The following DNM1L variants were observed in gnomAD, a reference collection of about 807,000 sequenced individuals.
DNM1L encodes dynamin 1L.
Under a neutral mutation model 92.8 loss-of-function variants are expected in DNM1L, and 33 were observed. The ratio of observed to expected loss-of-function variants is 0.36; its 90% CI spans 0.27 to 0.48. DNM1L has a LOEUF of 0.48. DNM1L is among the 20% of genes least tolerant of loss of function. The probability of loss-of-function intolerance (pLI) is 0.99; values close to 1 mark genes in which losing one functional copy is unlikely to be tolerated. For synonymous variants in DNM1L, 284 were observed against 305.0 expected, an observed-to-expected ratio of 0.93 and a Z score of 0.72; for missense variants, 485 against 888.8, an observed-to-expected ratio of 0.55 and a Z score of 5.78.
chr12:32,679,968 T>C lies in DNM1L; in HGVS notation c.102+503T>C, dbSNP rs551172585. 435 of 985,438 alleles carry C rather than the reference T, an allele frequency of 4.4e-4. 4 individuals carry two copies. The highest frequency in any genetic ancestry group is 1.7e-4 in the Non-Finnish European group (139 of 830,032). 61.0% of individuals were successfully genotyped at this position (985,438 alleles called of 1,614,324 possible). A position where few individuals can be genotyped will look rare whatever the true frequency, so the allele number is the denominator to read the frequency against. On this transcript the variant is annotated intron_variant, in intron 1 of 19. Coordinates refer to ENST00000549701, the MANE Select transcript of DNM1L (RefSeq NM_012062.5). ...GGAGTTAGTTTTGGAATCGCTCTGT[T>C]GAGGCTGAGAGACGCTACGGTGCGT... is the stretch of plus-strand genomic sequence containing the variant.
chr12:32,703,119 T>C (rs1952780938), intron 2 of DNM1L, among the ~76,000 whole-genome samples: 1 of 151,942 alleles, frequency 6.6e-6, no homozygotes, highest in Non-Finnish European at 1.5e-5. Flanking sequence ...TGATATCCTG[T>C]CTCTCAGAAA....
chr12:32,737,924 T>G lies in DNM1L; in HGVS notation c.1656T>G (p.Ser552=). The change falls in exon 15 of 20, where the codon TCT becomes TCG. Residue 552 remains serine (S), a synonymous_variant. Transcript: ENST00000549701. ...CCCAGGAGCCCTCCCCCGCTGCTTCTGCTGAGGCTGATGGCAAGGTCTGTT... is the reference window on the plus strand; with the variant it reads ...CCCAGGAGCCCTCCCCCGCTGCTTCGGCTGAGGCTGATGGCAAGGTCTGTT... The part of the protein sequence containing the change: ...PASQEPSPAA[S]AEADGKLIQD... 2 of 1,614,052 alleles carry G rather than the reference T, an allele frequency of 1.2e-6. No individual in the cohort carries two copies. Among genetic ancestry groups the G allele is most frequent in the South Asian group, 2.2e-5 (2 of 91,084 alleles).
rs1330943039 is a variant in DNM1L, at chr12:32,742,753, T to G, written c.2154+5T>G. Reference sequence around the variant, plus strand: ...GAAGCAGCTGATATGCTAAAGGTATTGTGGACCTTTTGATTTTTTATACTT... The same window carrying G: ...GAAGCAGCTGATATGCTAAAGGTATGGTGGACCTTTTGATTTTTTATACTT... On this transcript the variant is annotated splice_donor_5th_base_variant and intron_variant, in intron 19 of 19. Transcript: ENST00000549701. The G allele has an allele frequency of 6.2e-7, 1 of 1,614,082 alleles. No homozygotes were observed. Among genetic ancestry groups the G allele is most frequent in the East Asian group, 2.2e-5 (1 of 44,864 alleles).
rs1279969585 is a variant in DNM1L at position 32,737,710 on chromosome 12, G to T, written c.1597-155G>T. 1.8e-5 allele frequency: 12 copies of T among 659,574 alleles called. No homozygotes were observed. In the East Asian group the frequency reaches 3.4e-4, roughly 19 times the overall value. The allele number at this position is 659,574 out of a possible 1,614,324, so 40.9% of individuals were successfully genotyped here. A position where few individuals can be genotyped will look rare whatever the true frequency, so the allele number is the denominator to read the frequency against. ...TTTAACAAAGGTGACAATGGTGAAG[G>T]AAATAAGGCAGAATAAACAATCTCC... is the stretch of plus-strand genomic sequence containing the variant. On this transcript the variant is annotated intron_variant, in intron 14 of 19. Transcript: ENST00000549701.
Position 32,742,710 on chromosome 12 carries a change from A to G in DNM1L, c.2116A>G (p.Met706Val). 2 of 1,614,124 alleles carry G rather than the reference A, an allele frequency of 1.2e-6. No individual in the cohort carries two copies. Among genetic ancestry groups the G allele is most frequent in the South Asian group, 1.1e-5 (1 of 91,082 alleles). ...LDDLLTESED[M>V]AQRRKEAADM... is the part of the protein sequence containing the mutation. ...TGATCTTCTGACAGAATCTGAGGAC[A>G]TGGCACAGCGCAGGAAAGAAGCAGC... The change falls in exon 19 of 20, where the codon ATG (methionine) becomes GTG (valine). Residue 706 changes from methionine to valine, a missense_variant. This residue lies in a region of DNM1L where 133 missense variants were observed against 210.9 expected (regional missense o/e 0.63). Transcript: ENST00000549701.
chr12:32,694,703 T>C (rs907138169), intron 1 of DNM1L, among the ~76,000 whole-genome samples: 2 of 152,138 alleles, frequency 1.3e-5, no homozygotes, highest in African/African-American at 4.8e-5. Context: ...ATAGAAAATG[T>C]GTACAAGAAA....
At chr12:32,681,449 G>T (rs1430341033) in intron 1 of DNM1L, among the ~76,000 whole-genome samples, 2 of 152,092 alleles carry the variant, frequency 1.3e-5, no homozygotes, top group African/African-American at 2.4e-5. Context: ...TACTCTGCAG[G>T]CTGAGGTGGG....
At chr12:32,697,231 A>T (rs191232268) in intron 1 of DNM1L, among the ~76,000 whole-genome samples, 892 of 152,224 alleles carry the variant, frequency 5.9e-3, no homozygotes, top group Middle Eastern at 0.027. Context: ...TCTCTAAAAA[A>T]ATATAAAAAA....
chr12:32,742,808 T>G (rs1955398675), intron 19 of DNM1L, 60 bp downstream of exon 19: 1 of 1,600,872 alleles, frequency 6.2e-7, no homozygotes, highest in Non-Finnish European at 8.6e-7. Flanking sequence ...AGAAATAGTT[T>G]TAAATGCAGT....
chr12:32,679,478 G>T lies in DNM1L; in HGVS notation c.102+13G>T. The T allele has an allele frequency of 6.2e-7, 1 of 1,606,934 alleles. No homozygotes were observed. On this transcript the variant is annotated intron_variant, in intron 1 of 19. Coordinates refer to ENST00000549701, the MANE Select transcript of DNM1L (RefSeq NM_012062.5). ...AGTGGGAACGCAGGTGAGAGCAGCA[G>T]GCGGCGTTCGCTCGGGCCAGACCCC...
Position 32,718,625 on chromosome 12 carries a change from T to C in DNM1L, c.620-18T>C, listed in dbSNP as rs1953660649. On this transcript the variant is annotated intron_variant, in intron 6 of 19. Transcript: ENST00000549701. ...TTTCTTTCTTTTCTTTGCCCTTTTT[T>C]CTTTTTGCATTTACCAGGTCGCAGA... The C allele has an allele frequency of 6.2e-7, 1 of 1,613,586 alleles. No individual in the cohort carries two copies. The highest frequency in any genetic ancestry group is 8.5e-7 in the Non-Finnish European group (1 of 1,179,668).
chr12:32,736,813 GA>G lies in DNM1L; in HGVS notation c.1540-291del, dbSNP rs1954914905. 1.5e-5 allele frequency: 6 copies of G among 388,842 alleles called. No individual in the cohort carries two copies. In the Admixed American group the frequency reaches 1.8e-4, roughly 12 times the overall value. 24.1% of individuals were successfully genotyped at this position (388,842 alleles called of 1,614,324 possible). A position where few individuals can be genotyped will look rare whatever the true frequency, so the allele number is the denominator to read the frequency against. On this transcript the variant is annotated intron_variant, in intron 13 of 19. Coordinates refer to ENST00000549701, the MANE Select transcript of DNM1L (RefSeq NM_012062.5). ...TCACTGTTTCTTAGTGGGAAAGGGGGAGAAGATGGCAGTCTGTTGCCCCTCA... is the reference window on the plus strand; with the variant it reads ...TCACTGTTTCTTAGTGGGAAAGGGGGGAAGATGGCAGTCTGTTGCCCCTCA...
At chr12:32,732,242 A>G (rs1001775591) in intron 12 of DNM1L, among the ~76,000 whole-genome samples, 1 of 152,180 alleles carries the variant, frequency 6.6e-6, no homozygotes, top group Non-Finnish European at 1.5e-5. Flanking sequence ...ATTATTTAGT[A>G]CCACTGATCT....
Position 32,708,867 on chromosome 12 carries a change from C to T in DNM1L, c.369+643C>T, listed in dbSNP as rs545340414. On this transcript the variant is annotated intron_variant, in intron 4 of 19. Coordinates refer to ENST00000549701, the MANE Select transcript of DNM1L (RefSeq NM_012062.5). ...TGTCTTCTTTATTCCTATTATTTTT[C>T]TCTTTATATTTCAAGAGATATATAT... Among the ~76,000 whole-genome samples the T allele has an allele frequency of 1.5e-3, 227 of 152,032 alleles. 1 individual carries two copies. The highest frequency in any genetic ancestry group is 5.3e-3 in the African/African-American group (221 of 41,490).
At chr12:32,707,452 A>G in intron 3 of DNM1L, 39 bp downstream of exon 3, 1 of 1,438,912 alleles carries the variant, frequency 6.9e-7, no homozygotes, top group South Asian at 1.3e-5. Context: ...TAATGTTGAA[A>G]AAAATATATT....
At chr12:32,712,934 T>C (rs1176810066) in intron 5 of DNM1L, among the ~76,000 whole-genome samples, 1 of 152,146 alleles carries the variant, frequency 6.6e-6, no homozygotes, top group African/African-American at 2.4e-5. Flanking sequence ...GGTAATTGAA[T>C]GAATGAGTGA....
intron 2 of DNM1L, chr12:32,705,524 T>C (rs1952888543): frequency 3.5e-6 from 1 of 286,078 alleles, no homozygotes; most frequent in Non-Finnish European, 6.4e-6. Context: ...ACTAATTATA[T>C]TGGAAAGGTT....
At chr12:32,718,317 T>C (rs1189051624) in intron 6 of DNM1L, among the ~76,000 whole-genome samples, 1 of 151,506 alleles carries the variant, frequency 6.6e-6, no homozygotes, top group Non-Finnish European at 1.5e-5. Flanking sequence ...AATTTTTGTA[T>C]TTTTAGTAGA....
chr12:32,713,193 T>C lies in DNM1L; in HGVS notation c.457-16T>C. ...TTTTTAATTATTAGTTCCTTGCTCA[T>C]CTCTGTTTGGTTTAGGTGCCTGTAG... On this transcript the variant is annotated splice_polypyrimidine_tract_variant and intron_variant, in intron 5 of 19. Transcript: ENST00000549701. 2 of 1,613,774 alleles carry C rather than the reference T, an allele frequency of 1.2e-6. No individual in the cohort carries two copies. Among genetic ancestry groups the C allele is most frequent in the Non-Finnish European group, 1.7e-6 (2 of 1,179,894 alleles).
Sources: allele counts gnomAD v4.1 joint callset (sites outside exome capture counted in the v4.1 genomes callset), GRCh38; gene constraint gnomAD v4.1.1; regional missense constraint gnomAD v4.1.1; transcripts MANE v1.5; gene names NCBI Gene and HGNC (gene_info 2026-07-23, HGNC 2026-07-21).